The following SFMBT1 variants were observed in gnomAD, a reference collection of about 807,000 sequenced individuals.
SFMBT1 encodes scm-like with four MBT domains protein 1.
A neutral mutation model predicts 108.7 loss-of-function variants in SFMBT1; 32 were observed. That is an observed-to-expected ratio of 0.29 (90% CI 0.22 to 0.40). The LOEUF (loss-of-function observed/expected upper bound fraction) is 0.40, where lower values mean the gene tolerates loss of function less well. Ranked by LOEUF, SFMBT1 falls within the 10% of genes least tolerant of loss-of-function variation. SFMBT1 has a pLI of 1.00. For missense variants in SFMBT1, 816 were observed against 1,059.6 expected (o/e 0.77, Z 3.19); for synonymous variants, 348 against 369.5 (o/e 0.94, Z 0.67).
chr3:52,913,718 A>G (rs1702270914), intron 14 of SFMBT1, 101 bp from the exon 15 acceptor site: 1 of 1,235,694 alleles, frequency 8.1e-7, no homozygotes, highest in South Asian at 1.5e-5. Context: ...ATGTACCATT[A>G]TATTAATATA....
At chr3:52,933,943 A>C (rs1164046968) in intron 5 of SFMBT1, among the ~76,000 whole-genome samples, 1 of 152,220 alleles carries the variant, frequency 6.6e-6, no homozygotes, top group Non-Finnish European at 1.5e-5. Flanking sequence ...AAACCATAGA[A>C]TGGGAAAACA....
At chr3:53,038,764 C>G (rs80170465) in intron 1 of SFMBT1, among the ~76,000 whole-genome samples, 2,498 of 152,260 alleles carry the variant, frequency 0.016, 70 homozygotes, top group African/African-American at 0.057. Flanking sequence ...AGTCATTAAG[C>G]CTTTTTAAAC....
intron 1 of SFMBT1, among the ~76,000 whole-genome samples, chr3:52,974,899 C>G (rs1367309501): frequency 6.7e-6 from 1 of 148,650 alleles, no homozygotes; most frequent in African/African-American, 2.5e-5. Flanking sequence ...CCCACCTACT[C>G]AGGAGGCTGA....
At chr3:52,921,899 A>C in intron 10 of SFMBT1, 68 bp from the exon 11 acceptor site, 1 of 1,538,706 alleles carries the variant, frequency 6.5e-7, no homozygotes, top group Non-Finnish European at 8.9e-7. Flanking sequence ...CTCAGCTAGA[A>C]AACCTTTTTC....
chr3:52,983,419 G>A (rs770967095), intron 1 of SFMBT1, among the ~76,000 whole-genome samples: 2 of 152,188 alleles, frequency 1.3e-5, no homozygotes, highest in Non-Finnish European at 2.9e-5. Flanking sequence ...TAGGCTATTA[G>A]TAAAGTTTTT....
Position 52,907,659 on chromosome 3 carries a change from G to A in SFMBT1, c.1981C>T (p.Leu661=), listed in dbSNP as rs1702104322. 1 of 1,613,972 alleles carries A rather than the reference G, an allele frequency of 6.2e-7. No homozygotes were observed. The highest frequency in any genetic ancestry group is 1.7e-5 in the Admixed American group (1 of 60,002). Residue 661 remains leucine, a synonymous_variant, in exon 18 of 21, where the codon CTG becomes TTG. Transcript: ENST00000394752. ...PGGHSNLACA[L]KKASKRRKRR... is the part of the protein sequence containing the mutation. ...TTTCTCCTCTTACTGGCTTTTTTCA[G>A]GGCACAAGCTAAGTTACTATGCCCA...
At chr3:53,027,195 C>T (rs1699523576) in intron 1 of SFMBT1, among the ~76,000 whole-genome samples, 1 of 152,170 alleles carries the variant, frequency 6.6e-6, no homozygotes, top group Admixed American at 6.5e-5. Flanking sequence ...ACTAATAATA[C>T]AATATAGAAG....
At chr3:52,999,888 T>C (rs944278519) in intron 1 of SFMBT1, among the ~76,000 whole-genome samples, 4 of 149,840 alleles carry the variant, frequency 2.7e-5, no homozygotes, top group African/African-American at 9.7e-5. Context: ...AGACAGAGTA[T>C]CGCTCTGTCG....
intron 1 of SFMBT1, among the ~76,000 whole-genome samples, chr3:52,994,779 C>T (rs1290497453): frequency 6.7e-6 from 1 of 150,130 alleles, no homozygotes; most frequent in Admixed American, 6.7e-5. Context: ...GGATTACAGG[C>T]ATGAGCCACT....
At chr3:53,013,110 T>A (rs758770442) in intron 1 of SFMBT1, among the ~76,000 whole-genome samples, 2 of 151,794 alleles carry the variant, frequency 1.3e-5, no homozygotes, top group Non-Finnish European at 2.9e-5. Context: ...TTAGGAATTG[T>A]GGAGCTACTG....
chr3:53,031,962 C>T (rs997920502), intron 1 of SFMBT1, among the ~76,000 whole-genome samples: 5 of 152,056 alleles, frequency 3.3e-5, no homozygotes, highest in African/African-American at 1.2e-4. Context: ...AAAAGTGTCA[C>T]TAAGAAAATC....
At chr3:52,966,166 A>G (rs1704135054) in intron 2 of SFMBT1, among the ~76,000 whole-genome samples, 1 of 142,418 alleles carries the variant, frequency 7.0e-6, no homozygotes, top group Non-Finnish European at 1.5e-5. Context: ...AAATACAAAA[A>G]ATTTGCCGGG....
At chr3:53,026,504 T>C (rs1699496479) in intron 1 of SFMBT1, among the ~76,000 whole-genome samples, 1 of 149,768 alleles carries the variant, frequency 6.7e-6, no homozygotes, top group African/African-American at 2.5e-5. Context: ...CAACAGAGAA[T>C]ACAAAGTAAA....
chr3:52,969,027 AAC>A, intron 2 of SFMBT1, 72 bp downstream of exon 2: 1 of 1,567,870 alleles, frequency 6.4e-7, no homozygotes, highest in South Asian at 1.1e-5. Context: ...GTGGTAGAGA[AAC>A]AGACAATATA....
intron 20 of SFMBT1, 89 bp downstream of exon 20, chr3:52,906,024 C>T: frequency 6.9e-7 from 1 of 1,439,800 alleles, no homozygotes; most frequent in South Asian, 1.3e-5. Context: ...AAACATTTTT[C>T]CTAAAACTTG....
chr3:52,931,552 G>T (rs1702859484), intron 6 of SFMBT1, among the ~76,000 whole-genome samples: 1 of 151,886 alleles, frequency 6.6e-6, no homozygotes, highest in African/African-American at 2.4e-5. Context: ...AGAAAAGTAG[G>T]CACTTGGCCA....
In SFMBT1 at chr3:52,932,405, T is replaced by C. The variant is rs945915815; in HGVS notation, c.454-97A>G. ...ATGATCTCAAACCAGCCTTTGTATT[T>C]TTTACCCATTCAAAAGCCAGTGACA... On this transcript the variant is annotated intron_variant, in intron 5 of 20. Coordinates refer to ENST00000394752, the MANE Select transcript of SFMBT1 (RefSeq NM_016329.4). 1.6e-5 allele frequency: 21 copies of C among 1,280,688 alleles called. 1 individual carries two copies. The Middle Eastern group carries it at 1.1e-3, about 66-fold the overall frequency. The allele number at this position is 1,280,688 out of a possible 1,614,324, so 79.3% of individuals were successfully genotyped here. A position where few individuals can be genotyped will look rare whatever the true frequency, so the allele number is the denominator to read the frequency against.
intron 1 of SFMBT1, among the ~76,000 whole-genome samples, chr3:53,031,123 T>C (rs1233859765): frequency 6.6e-6 from 1 of 152,186 alleles, no homozygotes; most frequent in African/African-American, 2.4e-5. Flanking sequence ...CTCATATAGA[T>C]ACAGCCATCA....
intron 1 of SFMBT1, among the ~76,000 whole-genome samples, chr3:52,980,626 T>C (rs1431403091): frequency 3.2e-5 from 4 of 124,650 alleles, no homozygotes; most frequent in African/African-American, 1.2e-4. Context: ...CATTTCAAGA[T>C]AAGTAAATCC....
Sources: allele counts gnomAD v4.1 joint callset (sites outside exome capture counted in the v4.1 genomes callset), GRCh38; gene constraint gnomAD v4.1.1; transcripts MANE v1.5; gene names NCBI Gene and HGNC (gene_info 2026-07-23, HGNC 2026-07-21).